DPP6: variants seen among roughly 807,000 people sequenced by gnomAD.
DPP6 encodes dipeptidyl peptidase like 6.
DPP6 carries 69 observed loss-of-function variants against 122.6 expected under a neutral mutation model. That is an observed-to-expected ratio of 0.56 (90% CI 0.46 to 0.69). The LOEUF (loss-of-function observed/expected upper bound fraction) is 0.69, where lower values mean the gene tolerates loss of function less well. Ranked by LOEUF, DPP6 falls within the 30% of genes least tolerant of loss-of-function variation. DPP6 has a pLI of 0.00. For synonymous variants in DPP6, 418 were observed against 433.1 expected (o/e 0.97, Z 0.43); for missense variants, 928 against 1,116.9 (o/e 0.83, Z 2.41).
At chr7:154,883,316 TCACA>T (rs1227972930) in intron 21 of DPP6, among the ~76,000 whole-genome samples, 1 of 128,708 alleles carries the variant, frequency 7.8e-6, no homozygotes, top group Non-Finnish European at 1.6e-5. Context: ...ATACACCTGC[TCACA>T]CATACACATG....
chr7:154,301,222 T>G (rs1481815715), intron 1 of DPP6, among the ~76,000 whole-genome samples: 8 of 152,142 alleles, frequency 5.3e-5, no homozygotes. Context: ...GCTTGGCCAT[T>G]GTTATTGTTA....
intron 2 of DPP6, among the ~76,000 whole-genome samples, chr7:154,452,377 C>T (rs1029465873): frequency 6.6e-6 from 1 of 152,064 alleles, no homozygotes; most frequent in Admixed American, 6.5e-5. Flanking sequence ...TGGCTTCCAC[C>T]GGTGAAAGTG....
intron 1 of DPP6, among the ~76,000 whole-genome samples, chr7:154,391,261 T>C (rs1477521344): frequency 6.6e-6 from 1 of 152,164 alleles, no homozygotes; most frequent in East Asian, 1.9e-4. Context: ...CCTTTTGGGG[T>C]GTCAGCATTT....
At chr7:154,216,556 T>G (rs1800009108) in intron 1 of DPP6, among the ~76,000 whole-genome samples, 1 of 152,116 alleles carries the variant, frequency 6.6e-6, no homozygotes, top group South Asian at 2.1e-4. Flanking sequence ...GCCCAGAGAT[T>G]CTTACAAATC....
intron 3 of DPP6, among the ~76,000 whole-genome samples, chr7:154,504,645 A>G (rs1825529761): frequency 6.6e-6 from 1 of 152,178 alleles, no homozygotes; most frequent in African/African-American, 2.4e-5. Context: ...ACAACCCAAA[A>G]GCTCAATACC....
intron 1 of DPP6, among the ~76,000 whole-genome samples, chr7:154,252,235 T>TGTGTGCGCGC (rs60245069): frequency 2.7e-5 from 4 of 149,346 alleles, no homozygotes; most frequent in Non-Finnish European, 4.4e-5. Flanking sequence ...TGTGTGTGTG[T>TGTGTGCGCGC]GCGCGCATGC....
At chr7:153,786,324 C>T in the DPP6 span, among the ~76,000 whole-genome samples, 1 of 149,184 alleles carries the variant, frequency 6.7e-6, no homozygotes, top group Non-Finnish European at 1.5e-5. Context: ...TGAGGGATTG[C>T]ATATCAAATA....
At chr7:154,615,562 T>C (rs1167614711) in intron 5 of DPP6, among the ~76,000 whole-genome samples, 3 of 152,256 alleles carry the variant, frequency 2.0e-5, no homozygotes, top group Non-Finnish European at 2.9e-5. Flanking sequence ...TCAGTGGCAT[T>C]AAACACATTC....
At chr7:154,745,362 C>T (rs1842990447) in intron 8 of DPP6, among the ~76,000 whole-genome samples, 1 of 152,158 alleles carries the variant, frequency 6.6e-6, no homozygotes, top group Non-Finnish European at 1.5e-5. Flanking sequence ...ATAATGTAAG[C>T]AGATCCACAG....
At chr7:154,589,999 G>C (rs965600327) in intron 5 of DPP6, among the ~76,000 whole-genome samples, 1 of 152,174 alleles carries the variant, frequency 6.6e-6, no homozygotes, top group African/African-American at 2.4e-5. Context: ...ATAAGCTGAG[G>C]TTTTTGGTTT....
At chr7:154,312,594 A>G (rs1807000871) in intron 1 of DPP6, among the ~76,000 whole-genome samples, 1 of 152,196 alleles carries the variant, frequency 6.6e-6, no homozygotes, top group South Asian at 2.1e-4. Flanking sequence ...CTTTTAAACA[A>G]TATCTGTATG....
chr7:154,176,216 G>T (rs949163943), intron 1 of DPP6, among the ~76,000 whole-genome samples: 1 of 152,174 alleles, frequency 6.6e-6, no homozygotes, highest in Non-Finnish European at 1.5e-5. Context: ...TCTGGAAATC[G>T]GTTGCATTCT....
the DPP6 span, among the ~76,000 whole-genome samples, chr7:153,853,319 T>C: frequency 7.9e-5 from 12 of 152,318 alleles, no homozygotes; most frequent in African/African-American, 2.9e-4. Context: ...CTACTAGTAA[T>C]GTCTGTTCTA....
chr7:154,083,158 C>T (rs966500904), intron 1 of DPP6, among the ~76,000 whole-genome samples: 1 of 151,896 alleles, frequency 6.6e-6, no homozygotes, highest in Non-Finnish European at 1.5e-5. Flanking sequence ...CTGTGCCTAT[C>T]GTTTAACTGA....
intron 18 of DPP6, 66 bp from the exon 19 acceptor site, chr7:154,872,558 G>A: frequency 6.5e-7 from 1 of 1,544,518 alleles, no homozygotes; most frequent in East Asian, 2.4e-5. Context: ...GGTCACCCAA[G>A]GGCATGCCCG....
rs763797728 is a variant in DPP6, at chr7:154,892,505, G to A, written c.*25G>A. On this transcript the variant is annotated 3_prime_UTR_variant, in exon 26 of 26. Transcript: ENST00000377770. Reference sequence around the variant, plus strand: ...AGCTCAGGTCGCTCTAAGCACAAACGTGGCTCTTTCTACAACCAGATGCAA... The same window carrying A: ...AGCTCAGGTCGCTCTAAGCACAAACATGGCTCTTTCTACAACCAGATGCAA... 2.3e-5 allele frequency: 37 copies of A among 1,612,588 alleles called. No homozygotes were observed. Among genetic ancestry groups the A allele is most frequent in the African/African-American group, 4.0e-5 (3 of 74,908 alleles).
chr7:154,652,898 C>T (rs909706211), intron 6 of DPP6, among the ~76,000 whole-genome samples: 6 of 152,080 alleles, frequency 3.9e-5, no homozygotes, highest in Admixed American at 3.3e-4. Flanking sequence ...GGGAAAGAGG[C>T]TGAGAGGAAA....
intron 1 of DPP6, among the ~76,000 whole-genome samples, chr7:154,225,275 T>C (rs902107544): frequency 6.6e-6 from 1 of 152,228 alleles, no homozygotes; most frequent in African/African-American, 2.4e-5. Flanking sequence ...TCAGAAAATA[T>C]GCACTTTTCT....
At chr7:153,946,235 T>C (rs991374152) in intron 1 of DPP6, among the ~76,000 whole-genome samples, 1 of 152,146 alleles carries the variant, frequency 6.6e-6, no homozygotes, top group Non-Finnish European at 1.5e-5. Flanking sequence ...GGCTACTCCG[T>C]AGGCAGAGCA....
Sources: allele counts gnomAD v4.1 joint callset (sites outside exome capture counted in the v4.1 genomes callset), GRCh38; gene constraint gnomAD v4.1.1; transcripts MANE v1.5; gene names NCBI Gene and HGNC (gene_info 2026-07-23, HGNC 2026-07-21).